The following CAMK1D variants were observed in gnomAD, a reference collection of about 807,000 sequenced individuals.
CAMK1D encodes the protein calcium/calmodulin dependent protein kinase ID, also known as calcium/calmodulin-dependent protein kinase type 1D.
Under a neutral mutation model 47.7 loss-of-function variants are expected in CAMK1D, and 9 were observed. The observed-to-expected ratio is 0.19, with a 90% CI of 0.11 to 0.33. The LOEUF (loss-of-function observed/expected upper bound fraction) is 0.33, where lower values mean the gene tolerates loss of function less well. Ranked by LOEUF, CAMK1D falls within the 10% of genes least tolerant of loss-of-function variation. The pLI is 1.00. For missense variants in CAMK1D, 291 were observed against 488.7 expected, an observed-to-expected ratio of 0.60 and a Z score of 3.81; for synonymous variants, 184 against 184.9, an observed-to-expected ratio of 0.99 and a Z score of 0.04.
chr10:12,413,396 A>C (rs1410832249), intron 1 of CAMK1D, among the ~76,000 whole-genome samples: 2 of 150,798 alleles, frequency 1.3e-5, no homozygotes, highest in African/African-American at 4.9e-5. Context: ...AATTCATCAT[A>C]ACATTTGGGC....
At chr10:12,362,338 C>T in intron 1 of CAMK1D, among the ~76,000 whole-genome samples, 1 of 152,184 alleles carries the variant, frequency 6.6e-6, no homozygotes, top group Non-Finnish European at 1.5e-5. Context: ...GAAGTAGAAT[C>T]ATGTGATACA....
At chr10:12,523,472 T>G (rs974070367) in intron 1 of CAMK1D, among the ~76,000 whole-genome samples, 3 of 152,068 alleles carry the variant, frequency 2.0e-5, no homozygotes, top group African/African-American at 7.2e-5. Flanking sequence ...ACTGAGTGAA[T>G]GAGACTCCGT....
At chr10:12,656,150 G>A (rs1243060270) in intron 2 of CAMK1D, among the ~76,000 whole-genome samples, 2 of 152,196 alleles carry the variant, frequency 1.3e-5, no homozygotes, top group African/African-American at 2.4e-5. Flanking sequence ...GACAGAACCA[G>A]CTCGTTGATG....
At chr10:12,402,999 C>A (rs760735848) in intron 1 of CAMK1D, among the ~76,000 whole-genome samples, 1 of 152,034 alleles carries the variant, frequency 6.6e-6, no homozygotes, top group Non-Finnish European at 1.5e-5. Context: ...AGGATTATAA[C>A]CTGCAAGCAG....
intron 1 of CAMK1D, among the ~76,000 whole-genome samples, chr10:12,489,140 G>C (rs1000856594): frequency 3.3e-5 from 5 of 152,122 alleles, no homozygotes; most frequent in Non-Finnish European, 7.3e-5. Context: ...GAGTTTCACT[G>C]TGTTAGCCAG....
chr10:12,788,947 C>T (rs771570399), intron 5 of CAMK1D, among the ~76,000 whole-genome samples: 25 of 152,204 alleles, frequency 1.6e-4, no homozygotes, highest in Non-Finnish European at 2.8e-4. Flanking sequence ...AGTTTGGGGG[C>T]GTTGCAGACT....
chr10:12,503,151 T>G (rs1834758695), intron 1 of CAMK1D, among the ~76,000 whole-genome samples: 1 of 152,232 alleles, frequency 6.6e-6, no homozygotes, highest in African/African-American at 2.4e-5. Context: ...TAGGTGAATA[T>G]ATGCATGTGC....
rs61847413 is a variant in CAMK1D, at chr10:12,437,151, G to A, written c.92+87241G>A. On this transcript the variant is annotated intron_variant, in intron 1 of 10. Coordinates refer to ENST00000619168, the MANE Select transcript of CAMK1D (RefSeq NM_153498.4). ...AAACAGACCGACTATCTATCTATCT[G>A]TCTATCTATCATCTATCTGTCCATC... 4.5e-4 allele frequency among the ~76,000 whole-genome samples: 41 copies of A among 91,994 alleles called. No individual in the cohort carries two copies. The East Asian group carries it at 8.6e-3, about 19-fold the overall frequency. The allele number at this position is 91,994 out of a possible 152,430, so 60.4% of individuals were successfully genotyped here.
chr10:12,777,300 A>G (rs965438864), intron 5 of CAMK1D, among the ~76,000 whole-genome samples: 1 of 151,836 alleles, frequency 6.6e-6, no homozygotes, highest in East Asian at 1.9e-4. Context: ...AAAGTGCTTC[A>G]CATAGAAGTT....
chr10:12,592,727 A>G (rs1838034205), intron 2 of CAMK1D, among the ~76,000 whole-genome samples: 1 of 152,212 alleles, frequency 6.6e-6, no homozygotes, highest in Non-Finnish European at 1.5e-5. Context: ...GTAATTGTTC[A>G]ATGCCAGCCT....
At chr10:12,774,764 G>A (rs1005263143) in intron 5 of CAMK1D, among the ~76,000 whole-genome samples, 3 of 152,226 alleles carry the variant, frequency 2.0e-5, no homozygotes, top group Admixed American at 2.0e-4. Context: ...TCTCATGGGA[G>A]CTTGAACCCC....
chr10:12,715,535 T>C (rs188027523), intron 3 of CAMK1D, among the ~76,000 whole-genome samples: 64 of 152,328 alleles, frequency 4.2e-4, no homozygotes, highest in Non-Finnish European at 7.8e-4. Context: ...ATTGGCACAA[T>C]ACAAGGCTCA....
At chr10:12,696,278 C>G (rs921169329) in intron 3 of CAMK1D, among the ~76,000 whole-genome samples, 3 of 151,554 alleles carry the variant, frequency 2.0e-5, no homozygotes, top group Middle Eastern at 6.4e-3. Context: ...GGCTCATGCC[C>G]GTAATCCCAG....
intron 3 of CAMK1D, among the ~76,000 whole-genome samples, chr10:12,745,290 A>G (rs1467563700): frequency 6.6e-6 from 1 of 152,138 alleles, no homozygotes; most frequent in Admixed American, 6.5e-5. Context: ...TCAGCCTCTC[A>G]AAGTGCTGGG....
At chr10:12,767,982 C>T (rs748155976) in intron 4 of CAMK1D, among the ~76,000 whole-genome samples, 4 of 152,188 alleles carry the variant, frequency 2.6e-5, no homozygotes, top group Non-Finnish European at 5.9e-5. Context: ...AAGCAATTCT[C>T]CTGCCTCAGC....
intron 1 of CAMK1D, among the ~76,000 whole-genome samples, chr10:12,419,640 GCACA>G (rs111807347): frequency 0.084 from 12,409 of 147,126 alleles, 561 homozygotes; most frequent in East Asian, 0.21. Context: ...AAGAGAAAAT[GCACA>G]CACACACACA....
Position 12,409,300 on chromosome 10 carries a change from T to C in CAMK1D, c.92+59390T>C, listed in dbSNP as rs75725221. On this transcript the variant is annotated intron_variant, in intron 1 of 10. Transcript: ENST00000619168. The stretch of plus-strand genomic sequence containing the variant: ...GTGGACTTGGCGCCTACACTCATGA[T>C]TGGGAGAGGAAGTGGGCTCTGGGCT... Among the ~76,000 whole-genome samples the C allele has an allele frequency of 4.3e-3, 653 of 152,000 alleles. 8 individuals carry two copies. In the East Asian group the frequency reaches 0.062, roughly 14 times the overall value.
intron 1 of CAMK1D, among the ~76,000 whole-genome samples, chr10:12,433,870 T>G (rs1832556297): frequency 6.6e-6 from 1 of 152,228 alleles, no homozygotes; most frequent in South Asian, 2.1e-4. Context: ...ACAGACTTCC[T>G]GTCGTTGGGT....
intron 3 of CAMK1D, among the ~76,000 whole-genome samples, chr10:12,680,686 A>G (rs1434802416): frequency 2.6e-5 from 4 of 152,152 alleles, no homozygotes; most frequent in African/African-American, 9.6e-5. Context: ...AGTGGCTGGG[A>G]TTATTGAAAG....
Sources: gnomAD v4.1 joint callset for allele counts (sites outside exome capture counted in the v4.1 genomes callset) on GRCh38, gnomAD v4.1.1 for gene constraint, MANE v1.5 for transcripts, NCBI Gene and HGNC (gene_info 2026-07-23, HGNC 2026-07-21) for gene names.